Variants in MGAT4C observed in about 807,000 individuals in gnomAD.
MGAT4C encodes the protein MGAT4 family member C, also known as alpha-1,3-mannosyl-glycoprotein 4-beta-N-acetylglucosaminyltransferase C.
MGAT4C carries 19 observed loss-of-function variants against 40.1 expected under a neutral mutation model. The observed-to-expected ratio is 0.47, with a 90% CI of 0.33 to 0.70. MGAT4C has a LOEUF of 0.70. Among genes scored for constraint, MGAT4C ranks in the 30% least tolerant of loss-of-function variants. The pLI, the probability that MGAT4C is intolerant of heterozygous loss-of-function variation, is 0.02. For synonymous variants in MGAT4C, 181 were observed against 187.1 expected (o/e 0.97, Z 0.27); for missense variants, 491 against 563.2 (o/e 0.87, Z 1.30).
At chr12:86,801,181 G>C (rs1487940946) in intron 1 of MGAT4C, among the ~76,000 whole-genome samples, 1 of 151,856 alleles carries the variant, frequency 6.6e-6, no homozygotes, top group Non-Finnish European at 1.5e-5. Flanking sequence ...GAATGGTCTA[G>C]AAAAGGCAAT....
rs1468363785 is a variant in MGAT4C, at chr12:85,963,349, T to C, written c.*15940A>G. The C allele has an allele frequency of 6.6e-6, 1 of 151,986 alleles. No homozygotes were observed. Among genetic ancestry groups the C allele is most frequent in the Non-Finnish European group, 1.5e-5 (1 of 67,904 alleles). The allele number at this position is 151,986 out of a possible 1,614,324, so 9.4% of individuals were successfully genotyped here. A position where few individuals can be genotyped will look rare whatever the true frequency, so the allele number is the denominator to read the frequency against. ...AAATGTAACTAGCACATAGTCAGTG[T>C]TTCTTAACCATTTTGGGGTCCTGAA... On this transcript the variant is annotated 3_prime_UTR_variant, in exon 5 of 5. Coordinates refer to ENST00000611864, the MANE Select transcript of MGAT4C (RefSeq NM_001351288.2).
At position 86,191,089 on chromosome 12, in the gene MGAT4C, A is replaced by G. The variant is rs985533104; in HGVS notation, c.-57+65150T>C. Among the ~76,000 whole-genome samples the G allele has an allele frequency of 1.8e-3, 32 of 18,026 alleles. No homozygotes were observed. In the East Asian group the frequency reaches 0.061, roughly 34 times the overall value. The allele number at this position is 18,026 out of a possible 152,430, so 11.8% of individuals were successfully genotyped here. A position where few individuals can be genotyped will look rare whatever the true frequency, so the allele number is the denominator to read the frequency against. ...AAAATCACTCTCTCTCTCTGCACAC[A>G]CACACACACACACACACACACACAC... On this transcript the variant is annotated intron_variant, in intron 1 of 4. Transcript: ENST00000611864.
At chr12:86,208,367 T>C (rs1950341779) in intron 1 of MGAT4C, among the ~76,000 whole-genome samples, 1 of 152,196 alleles carries the variant, frequency 6.6e-6, no homozygotes, top group Non-Finnish European at 1.5e-5. Context: ...CTCAGGCGGC[T>C]GAGTCAGGAG....
intron 4 of MGAT4C, among the ~76,000 whole-genome samples, chr12:86,323,585 G>A (rs2136164850): frequency 6.6e-6 from 1 of 151,862 alleles, no homozygotes; most frequent in East Asian, 1.9e-4. Context: ...TCTCATAGGT[G>A]TTCTGTTTCA....
chr12:86,605,242 T>C (rs891835625), intron 2 of MGAT4C, among the ~76,000 whole-genome samples: 2 of 152,102 alleles, frequency 1.3e-5, no homozygotes, highest in African/African-American at 4.8e-5. Context: ...GGTAAATTCT[T>C]GTATAATTGC....
intron 1 of MGAT4C, among the ~76,000 whole-genome samples, chr12:86,197,318 T>A (rs1949853307): frequency 6.6e-6 from 1 of 152,248 alleles, no homozygotes; most frequent in Non-Finnish European, 1.5e-5. Flanking sequence ...TCTGTATATA[T>A]GTATGTGTGT....
chr12:86,380,066 G>A (rs1462613084), intron 3 of MGAT4C, among the ~76,000 whole-genome samples: 1 of 152,082 alleles, frequency 6.6e-6, no homozygotes, highest in Non-Finnish European at 1.5e-5. Flanking sequence ...CTAGAAATGA[G>A]TAGGACTAGT....
At chr12:86,298,818 TACTC>T (rs1210328964) in intron 4 of MGAT4C, among the ~76,000 whole-genome samples, 1 of 152,172 alleles carries the variant, frequency 6.6e-6, no homozygotes, top group African/African-American at 2.4e-5. Flanking sequence ...TACCTCTAAA[TACTC>T]AACAGTCCAG....
At chr12:86,353,818 T>G (rs1311395190) in intron 3 of MGAT4C, among the ~76,000 whole-genome samples, 1 of 152,150 alleles carries the variant, frequency 6.6e-6, no homozygotes, top group Non-Finnish European at 1.5e-5. Context: ...TCTCTTTCTC[T>G]TCTCTTACTG....
intron 1 of MGAT4C, among the ~76,000 whole-genome samples, chr12:86,233,743 T>C (rs868853343): frequency 6.6e-6 from 1 of 152,302 alleles, no homozygotes; most frequent in South Asian, 2.1e-4. Context: ...GAAAAACTCA[T>C]GAAAATAACT....
At chr12:86,524,404 G>A (rs1958845431) in intron 2 of MGAT4C, among the ~76,000 whole-genome samples, 1 of 152,192 alleles carries the variant, frequency 6.6e-6, no homozygotes, top group African/African-American at 2.4e-5. Context: ...CTCTAAAAAT[G>A]TTGAATATTG....
intron 2 of MGAT4C, among the ~76,000 whole-genome samples, chr12:86,713,035 C>T (rs1593142521): frequency 6.6e-6 from 1 of 152,016 alleles, no homozygotes; most frequent in African/African-American, 2.4e-5. Context: ...TGTCTGTAGA[C>T]CCAGTTTTGA....
In MGAT4C at chr12:86,630,414, T is replaced by A. The variant is rs151336035; in HGVS notation, c.-229+96795A>T. Among the ~76,000 whole-genome samples the A allele has an allele frequency of 7.1e-3, 1,088 of 152,214 alleles. 12 individuals are homozygous for A. Among genetic ancestry groups the A allele is most frequent in the Non-Finnish European group, 0.013 (858 of 68,008 alleles). ...CCTAACTCATTTGATGAGGCCAGTATCACTGTGATACCAAAGCCTGGCAGA... is the reference window on the plus strand; with the variant it reads ...CCTAACTCATTTGATGAGGCCAGTAACACTGTGATACCAAAGCCTGGCAGA... On this transcript the variant is annotated intron_variant, in intron 2 of 7. Transcript: ENST00000548651.
intron 3 of MGAT4C, among the ~76,000 whole-genome samples, chr12:86,408,097 T>C (rs1002859030): frequency 2.6e-5 from 4 of 151,756 alleles, no homozygotes; most frequent in East Asian, 1.9e-4. Context: ...CACACACACA[T>C]ACACGCACAC....
intron 2 of MGAT4C, among the ~76,000 whole-genome samples, chr12:86,462,369 A>G (rs1957614452): frequency 6.6e-6 from 1 of 152,200 alleles, no homozygotes; most frequent in Non-Finnish European, 1.5e-5. Context: ...AAAAAGATGA[A>G]TAAGACACAG....
intron 2 of MGAT4C, among the ~76,000 whole-genome samples, chr12:86,492,455 T>G (rs1418159188): frequency 3.9e-5 from 6 of 151,918 alleles, no homozygotes; most frequent in African/African-American, 1.5e-4. Flanking sequence ...GAGATACAGA[T>G]CAATGGAACA....
chr12:86,690,558 T>C (rs1442694519), intron 2 of MGAT4C, among the ~76,000 whole-genome samples: 1 of 152,126 alleles, frequency 6.6e-6, no homozygotes, highest in Non-Finnish European at 1.5e-5. Flanking sequence ...TTCCCTTGGC[T>C]AGGGGAGGGA....
At position 86,110,297 on chromosome 12, in the gene MGAT4C, T is replaced by TATATATATA. The variant is rs1355215806; in HGVS notation, c.-56-60575_-56-60574insTATATATAT. Among the ~76,000 whole-genome samples the TATATATATA allele has an allele frequency of 3.5e-3, 50 of 14,214 alleles. 5 individuals are homozygous for TATATATATA. Among genetic ancestry groups the TATATATATA allele is most frequent in the African/African-American group, 8.8e-3 (22 of 2,492 alleles). 9.3% of individuals were successfully genotyped at this position (14,214 alleles called of 152,430 possible). The stretch of plus-strand genomic sequence containing the variant: ...ATATATAGTCTATATATATATAGTC[T>TATATATATA]CTCTATATATATATATATATAGTCT... On this transcript the variant is annotated intron_variant, in intron 1 of 4. Coordinates refer to ENST00000611864, the MANE Select transcript of MGAT4C (RefSeq NM_001351288.2).
chr12:86,624,870 A>G (rs1226223328), intron 2 of MGAT4C, among the ~76,000 whole-genome samples: 1 of 152,136 alleles, frequency 6.6e-6, no homozygotes, highest in African/African-American at 2.4e-5. Context: ...ATCAGCTATT[A>G]TAAATATTTT....
Sources: gnomAD v4.1 joint callset for allele counts (sites outside exome capture counted in the v4.1 genomes callset) on GRCh38, gnomAD v4.1.1 for gene constraint, MANE v1.5 for transcripts, NCBI Gene and HGNC (gene_info 2026-07-23, HGNC 2026-07-21) for gene names.